The following IDO2 variants were observed in gnomAD, a reference collection of about 807,000 sequenced individuals.
The protein encoded by IDO2 is indoleamine 2,3-dioxygenase 2, also known as indoleamine 2,3-dioxygenase-like 1 protein.
In IDO2, 46 loss-of-function variants were observed where a neutral mutation model predicts 45.1. The observed-to-expected ratio is 1.02, with a 90% CI of 0.80 to 1.30. The LOEUF is 1.30. Ranked by LOEUF, IDO2 falls within the 50% of genes most tolerant of loss-of-function variation. The probability of loss-of-function intolerance (pLI) is 0.00; values close to 1 mark genes in which losing one functional copy is unlikely to be tolerated. For synonymous variants in IDO2, 218 were observed against 184.9 expected (o/e 1.18, Z -1.45); for missense variants, 544 against 491.8 (o/e 1.11, Z -1.00).
chr8:39,946,878 G>C (rs1807739829), intron 1 of IDO2, among the ~76,000 whole-genome samples: 1 of 151,706 alleles, frequency 6.6e-6, no homozygotes, highest in Non-Finnish European at 1.5e-5. Flanking sequence ...AGAGGGTTGA[G>C]GCTGGGAGAG....
intron 9 of IDO2, among the ~76,000 whole-genome samples, chr8:40,007,052 C>T (rs1044910912): frequency 2.6e-5 from 4 of 151,790 alleles, no homozygotes; most frequent in Admixed American, 1.3e-4. Flanking sequence ...CTATTAACTT[C>T]GGAAATTAAG....
chr8:39,960,438 C>A (rs1039626820), intron 2 of IDO2, among the ~76,000 whole-genome samples: 13 of 152,178 alleles, frequency 8.5e-5, no homozygotes, highest in Admixed American at 8.5e-4. Flanking sequence ...CCTTTGTCTT[C>A]AATCTCTCCC....
At chr8:39,997,796 T>C (rs758063213) in intron 8 of IDO2, 1 of 153,756 alleles carries the variant, frequency 6.5e-6, no homozygotes, top group South Asian at 2.0e-4. Context: ...CGTTGTCTTC[T>C]GATATTTCTA....
At chr8:39,942,176 G>A (rs527708439) in intron 1 of IDO2, among the ~76,000 whole-genome samples, 83 of 152,350 alleles carry the variant, frequency 5.4e-4, no homozygotes, top group African/African-American at 2.0e-3. Context: ...CTGTTATATG[G>A]TAGGTGCTTC....
intron 1 of IDO2, 43 bp from the exon 2 acceptor site, chr8:39,949,106 T>A: frequency 6.4e-7 from 1 of 1,558,468 alleles, no homozygotes; most frequent in South Asian, 1.2e-5. Context: ...GGGTGTTTAA[T>A]TTATTAGGAA....
exon 1 of IDO2, chr8:39,935,128 C>T (rs1586218446): frequency 4.3e-6 from 6 of 1,405,574 alleles, no homozygotes; most frequent in Non-Finnish European, 6.1e-6. Context: ...CAATGGACAC[C>T]TAAAGAACAG....
At chr8:39,970,034 G>A (rs1388138598) in intron 3 of IDO2, among the ~76,000 whole-genome samples, 1 of 152,208 alleles carries the variant, frequency 6.6e-6, no homozygotes, top group Non-Finnish European at 1.5e-5. Flanking sequence ...TGCTACTCCA[G>A]TGAACATACG....
chr8:39,947,361 A>G (rs778244726), intron 1 of IDO2, among the ~76,000 whole-genome samples: 2 of 152,198 alleles, frequency 1.3e-5, no homozygotes, highest in Non-Finnish European at 2.9e-5. Context: ...TCTGCTAGCC[A>G]CAATAAGGAA....
intron 3 of IDO2, among the ~76,000 whole-genome samples, chr8:39,970,741 T>C (rs142477199): frequency 0.023 from 3,482 of 151,558 alleles, 60 homozygotes; most frequent in Non-Finnish European, 0.039. Flanking sequence ...CCATCTTTTA[T>C]TGGAAGAAGA....
At chr8:39,960,260 C>T (rs1807971455) in intron 2 of IDO2, among the ~76,000 whole-genome samples, 1 of 152,174 alleles carries the variant, frequency 6.6e-6, no homozygotes. Flanking sequence ...ACTCACACAA[C>T]TTGATCTTCA....
intron 2 of IDO2, among the ~76,000 whole-genome samples, chr8:39,952,618 C>T (rs1807829153): frequency 6.6e-6 from 1 of 152,006 alleles, no homozygotes; most frequent in Admixed American, 6.6e-5. Context: ...ATGTGCCCTA[C>T]GTGTGTAGAG....
At chr8:39,979,286 G>C (rs577286319) in intron 4 of IDO2, 100 bp downstream of exon 4, 3 of 1,338,776 alleles carry the variant, frequency 2.2e-6, no homozygotes, top group Non-Finnish European at 2.0e-6. Flanking sequence ...CTGGAAAATG[G>C]GTACTTTCTT....
chr8:39,982,262 A>G (rs1295359516), intron 4 of IDO2, among the ~76,000 whole-genome samples: 2 of 148,770 alleles, frequency 1.3e-5, no homozygotes, highest in Non-Finnish European at 3.0e-5. Context: ...ATGTATATAT[A>G]TATTTCTATC....
exon 11 of IDO2, chr8:40,015,980 C>G (rs1585425186): frequency 2.7e-6 from 1 of 376,712 alleles, no homozygotes; most frequent in East Asian, 3.8e-5. Flanking sequence ...AACAAATTCA[C>G]TTAACAATTC....
intron 8 of IDO2, among the ~76,000 whole-genome samples, chr8:40,004,432 GAGAT>G (rs1030759945): frequency 4.5e-4 from 69 of 152,128 alleles, no homozygotes; most frequent in African/African-American, 1.3e-3. Context: ...GATAGATAGA[GAGAT>G]AGATAGATAA....
At chr8:39,956,313 TG>T (rs1199117085) in intron 2 of IDO2, among the ~76,000 whole-genome samples, 7 of 152,036 alleles carry the variant, frequency 4.6e-5, no homozygotes, top group Admixed American at 3.9e-4. Flanking sequence ...CCATCTGGCT[TG>T]GCCTCCCAAA....
At chr8:39,958,113 G>A (rs939490185) in intron 2 of IDO2, among the ~76,000 whole-genome samples, 2 of 152,058 alleles carry the variant, frequency 1.3e-5, no homozygotes, top group Admixed American at 6.6e-5. Flanking sequence ...CACCGTGTTA[G>A]CCAGGATGGT....
At chr8:40,010,158 G>A (rs991268449) in intron 9 of IDO2, among the ~76,000 whole-genome samples, 2 of 152,136 alleles carry the variant, frequency 1.3e-5, no homozygotes, top group Admixed American at 6.5e-5. Flanking sequence ...AGAGACTGTC[G>A]AATGTAGTGG....
At chr8:39,983,187 G>A (rs1808378541) in intron 5 of IDO2, among the ~76,000 whole-genome samples, 1 of 152,136 alleles carries the variant, frequency 6.6e-6, no homozygotes, top group Non-Finnish European at 1.5e-5. Flanking sequence ...TGCTCCAGGT[G>A]GGTTGGATTG....
Sources: gnomAD v4.1 joint callset for allele counts (sites outside exome capture counted in the v4.1 genomes callset) on GRCh38, gnomAD v4.1.1 for gene constraint, MANE v1.5 for transcripts, NCBI Gene and HGNC (gene_info 2026-07-23, HGNC 2026-07-21) for gene names.